Variants in RORA observed in about 807,000 individuals in gnomAD.
RORA encodes the protein nuclear receptor ROR-alpha.
In RORA, 7 loss-of-function variants were observed where a neutral mutation model predicts 69.5. The observed-to-expected ratio is 0.10, with a 90% CI of 0.06 to 0.19. The LOEUF is 0.19. Among genes scored for constraint, RORA ranks in the 10% least tolerant of loss-of-function variants. The probability of loss-of-function intolerance (pLI) is 1.00; values close to 1 mark genes in which losing one functional copy is unlikely to be tolerated. For synonymous variants in RORA, 261 were observed against 240.8 expected (o/e 1.08, Z -0.78); for missense variants, 457 against 663.0 (o/e 0.69, Z 3.41).
chr15:60,909,102 C>T (rs1421240816), intron 1 of RORA, among the ~76,000 whole-genome samples: 1 of 152,182 alleles, frequency 6.6e-6, no homozygotes, highest in Non-Finnish European at 1.5e-5. Context: ...TGGACAGCTC[C>T]GCCTGACTAG....
intron 1 of RORA, among the ~76,000 whole-genome samples, chr15:61,197,268 C>A (rs1464461542): frequency 6.6e-6 from 1 of 152,212 alleles, no homozygotes; most frequent in Admixed American, 6.5e-5. Flanking sequence ...GAAAGAAAGG[C>A]ACTGAAACCC....
chr15:61,173,942 G>A (rs571864071), intron 1 of RORA, among the ~76,000 whole-genome samples: 1 of 152,314 alleles, frequency 6.6e-6, no homozygotes, highest in African/African-American at 2.4e-5. Flanking sequence ...TATGCACACT[G>A]GGTCTGAATC....
chr15:60,983,517 G>A (rs1299613329), intron 1 of RORA, among the ~76,000 whole-genome samples: 1 of 152,106 alleles, frequency 6.6e-6, no homozygotes, highest in Non-Finnish European at 1.5e-5. Context: ...CACCTTTTAA[G>A]GTCTGATGAG....
chr15:61,229,302 C>CAAAA (rs2080180402), upstream of RORA: 1 of 32,192 alleles, frequency 3.1e-5, no homozygotes, highest in Non-Finnish European at 4.6e-5. Flanking sequence ...CTCTATGGTA[C>CAAAA]CAAAAAAAAA....
rs144434419 is a variant in RORA, at chr15:60,734,637, C to A, written c.167-55951G>T. The stretch of plus-strand genomic sequence containing the variant: ...GGGACCCCGACCTCTCCATGTCCTG[C>A]GTGGGTACTTCTCTGTTTTCACACA... On this transcript the variant is annotated intron_variant, in intron 1 of 10. Transcript: ENST00000335670. Among the ~76,000 whole-genome samples the A allele has an allele frequency of 6.6e-3, 1,003 of 152,260 alleles. 6 individuals carry two copies. The highest frequency in any genetic ancestry group is 0.021 in the East Asian group (108 of 5,178).
intron 1 of RORA, among the ~76,000 whole-genome samples, chr15:61,152,528 G>T (rs1222048834): frequency 6.6e-6 from 1 of 150,990 alleles, no homozygotes; most frequent in African/African-American, 2.4e-5. Context: ...GTTAAATATA[G>T]TTCAAATCTA....
intron 1 of RORA, among the ~76,000 whole-genome samples, chr15:61,185,634 A>G (rs1486683399): frequency 3.3e-5 from 5 of 152,156 alleles, no homozygotes; most frequent in Non-Finnish European, 7.3e-5. Context: ...TCAAGTGAAA[A>G]TCTCATGCTA....
intron 1 of RORA, among the ~76,000 whole-genome samples, chr15:60,826,774 T>C (rs1174907971): frequency 1.4e-4 from 16 of 114,002 alleles, no homozygotes; most frequent in South Asian, 7.5e-4. Context: ...TCCCTCTCTC[T>C]CTCTCTCTCT....
chr15:60,629,752 C>T (rs549472051), intron 2 of RORA, among the ~76,000 whole-genome samples: 44 of 152,240 alleles, frequency 2.9e-4, no homozygotes, highest in Non-Finnish European at 4.7e-4. Context: ...CACAGATGTA[C>T]GGGTCATCCA....
rs150315791 is a variant in RORA at position 60,505,730 on chromosome 15, G to C, written c.821-101C>G. On this transcript the variant is annotated intron_variant, in intron 5 of 10. Transcript: ENST00000335670. ...AGAAATAACAAGTAGAAAACAATGT[G>C]CTGTGCGAGTTTTGACTGTCTTTAC... The C allele has an allele frequency of 2.2e-4, 299 of 1,366,226 alleles. 4 individuals carry two copies. In the African/African-American group the frequency reaches 3.8e-3, roughly 17 times the overall value. The allele number at this position is 1,366,226 out of a possible 1,614,324, so 84.6% of individuals were successfully genotyped here. A position where few individuals can be genotyped will look rare whatever the true frequency, so the allele number is the denominator to read the frequency against.
chr15:60,550,356 T>C (rs1352131873), intron 2 of RORA, among the ~76,000 whole-genome samples: 2 of 152,124 alleles, frequency 1.3e-5, no homozygotes, highest in African/African-American at 4.8e-5. Flanking sequence ...TAGATGGAAA[T>C]TTTAAAGTTT....
chr15:60,715,856 G>C (rs2071212207), intron 1 of RORA, among the ~76,000 whole-genome samples: 1 of 152,152 alleles, frequency 6.6e-6, no homozygotes, highest in Non-Finnish European at 1.5e-5. Flanking sequence ...CAAGTCATCA[G>C]TCTTAAAATT....
intron 1 of RORA, among the ~76,000 whole-genome samples, chr15:61,173,640 G>A (rs943916818): frequency 2.0e-5 from 3 of 152,104 alleles, no homozygotes; most frequent in East Asian, 1.9e-4. Flanking sequence ...ATCAAAATAC[G>A]GAATGACATT....
chr15:61,139,105 C>A lies in RORA; in HGVS notation c.166+89948G>T, dbSNP rs187101071. Among the ~76,000 whole-genome samples, 166 of 151,610 alleles carry A rather than the reference C, an allele frequency of 1.1e-3. 1 individual carries two copies. The highest frequency in any genetic ancestry group is 3.9e-3 in the African/African-American group (162 of 41,270). On this transcript the variant is annotated intron_variant, in intron 1 of 10. Coordinates refer to ENST00000335670, the MANE Select transcript of RORA (RefSeq NM_134261.3). Reference sequence around the variant, plus strand: ...CTTGCAGTGAGCCAAGATCGCGCCACTGCACTCCAGCCTGGGCGACAGAGC... The same window carrying A: ...CTTGCAGTGAGCCAAGATCGCGCCAATGCACTCCAGCCTGGGCGACAGAGC...
chr15:60,497,432 T>C lies in RORA; in HGVS notation c.*23A>G, dbSNP rs926742246. On this transcript the variant is annotated 3_prime_UTR_variant, in exon 11 of 11. Transcript: ENST00000335670. ...TTTCATGTTTGTACTTCAGACATTC[T>C]AGAAGTGCTTAGGTGATAACATTTA... 2 of 1,608,150 alleles carry C rather than the reference T, an allele frequency of 1.2e-6. No individual in the cohort carries two copies. Among genetic ancestry groups the C allele is most frequent in the African/African-American group, 2.7e-5 (2 of 74,872 alleles).
chr15:60,954,301 G>A (rs1338582736), intron 1 of RORA, among the ~76,000 whole-genome samples: 4 of 126,216 alleles, frequency 3.2e-5, no homozygotes, highest in Admixed American at 8.4e-5. Flanking sequence ...GTGGGGTGGG[G>A]GGTGGGGGGA....
At chr15:61,127,153 C>G (rs2079149984) in intron 1 of RORA, among the ~76,000 whole-genome samples, 1 of 152,222 alleles carries the variant, frequency 6.6e-6, no homozygotes, top group South Asian at 2.1e-4. Flanking sequence ...CTTCAAACTG[C>G]TTCCACGTGT....
intron 1 of RORA, among the ~76,000 whole-genome samples, chr15:60,923,631 T>C (rs2140491904): frequency 6.6e-6 from 1 of 152,386 alleles, no homozygotes; most frequent in African/African-American, 2.4e-5. Flanking sequence ...ACTGCTTTGC[T>C]GTGTTGATCC....
rs531571612 is a variant in RORA at position 60,736,371 on chromosome 15, A to G, written c.167-57685T>C. Among the ~76,000 whole-genome samples the G allele has an allele frequency of 1.0e-3, 152 of 152,302 alleles. 1 individual carries two copies. The highest frequency in any genetic ancestry group is 3.5e-3 in the African/African-American group (146 of 41,560). ...ACAACCCATTCTGTCTCCCTCTTCC[A>G]ACTAGCAATAATCAGGAAGGCCCTT... is the stretch of plus-strand genomic sequence containing the variant. On this transcript the variant is annotated intron_variant, in intron 1 of 10. Coordinates refer to ENST00000335670, the MANE Select transcript of RORA (RefSeq NM_134261.3).
Sources: allele counts gnomAD v4.1 joint callset (sites outside exome capture counted in the v4.1 genomes callset), GRCh38; gene constraint gnomAD v4.1.1; transcripts MANE v1.5; gene names NCBI Gene and HGNC (gene_info 2026-07-23, HGNC 2026-07-21).